Variants in NBPF11 observed in about 807,000 individuals in gnomAD.
The protein encoded by NBPF11 is NBPF family member NBPF11.
In NBPF11, 72 loss-of-function variants were observed where a neutral mutation model predicts 93.9. The observed-to-expected ratio is 0.77, with a 90% CI of 0.63 to 0.93. NBPF11 has a LOEUF of 0.93. Among genes scored for constraint, NBPF11 ranks in the 40% least tolerant of loss-of-function variants. The pLI is 0.00. For missense variants in NBPF11, 705 were observed against 802.2 expected (o/e 0.88, Z 1.46); for synonymous variants, 224 against 304.9 (o/e 0.73, Z 2.76).
intron 16 of NBPF11, among the ~76,000 whole-genome samples, chr1:148,110,089 G>C (rs1458552522): frequency 6.6e-6 from 1 of 150,436 alleles, no homozygotes; most frequent in East Asian, 2.0e-4. Flanking sequence ...GGCATGTGCT[G>C]CACAGTTTGG....
At chr1:148,108,942 G>A (rs1170695661) in intron 17 of NBPF11, among the ~76,000 whole-genome samples, 2 of 150,126 alleles carry the variant, frequency 1.3e-5, no homozygotes, top group African/African-American at 2.5e-5. Context: ...GGAGTCAAAG[G>A]ACACTCTGTA....
intron 9 of NBPF11, 145 bp downstream of exon 9, chr1:148,121,910 G>A: frequency 1.3e-6 from 1 of 747,314 alleles, no homozygotes; most frequent in Non-Finnish European, 2.4e-6. Context: ...CCAAAGTGCT[G>A]TGATTATATG....
intron 1 of NBPF11, among the ~76,000 whole-genome samples, chr1:148,148,718 G>A (rs1647389444): frequency 6.6e-6 from 1 of 151,332 alleles, no homozygotes; most frequent in African/African-American, 2.4e-5. Context: ...GGGCTGCAGG[G>A]AGGAAGAGTG....
chr1:148,122,913 A>G, intron 7 of NBPF11, 112 bp from the exon 8 acceptor site: 1 of 1,588,368 alleles, frequency 6.3e-7, no homozygotes, highest in South Asian at 1.1e-5. Context: ...CATTGTACTG[A>G]AAACTCTCAT....
At chr1:148,145,962 G>A (rs2149304503) in intron 1 of NBPF11, among the ~76,000 whole-genome samples, 1 of 152,162 alleles carries the variant, frequency 6.6e-6, no homozygotes, top group African/African-American at 2.4e-5. Context: ...ATTGAAAAAA[G>A]AGAAATGCAA....
intron 6 of NBPF11, among the ~76,000 whole-genome samples, 194 bp from the exon 7 acceptor site, chr1:148,124,261 G>T (rs1282643059): frequency 1.6e-4 from 24 of 151,918 alleles, no homozygotes; most frequent in African/African-American, 5.8e-4. Context: ...ATCAGAGAGG[G>T]CTCCTGCAAG....
At chr1:148,143,118 G>C (rs1672462710) in intron 2 of NBPF11, among the ~76,000 whole-genome samples, 1 of 151,476 alleles carries the variant, frequency 6.6e-6, no homozygotes, top group South Asian at 2.1e-4. Flanking sequence ...AATGGGGGGT[G>C]AGAGGGGAAG....
At chr1:148,121,182 T>C (rs1392956364) in intron 9 of NBPF11, among the ~76,000 whole-genome samples, 1 of 151,508 alleles carries the variant, frequency 6.6e-6, no homozygotes, top group African/African-American at 2.4e-5. Context: ...GCATCTGGGA[T>C]TACAAGCGCC....
rs1279128769 is a variant in NBPF11, at chr1:148,127,857, T to C, written c.-35-819A>G. Among the ~76,000 whole-genome samples, 399 of 151,696 alleles carry C rather than the reference T, an allele frequency of 2.6e-3. 1 individual carries two copies. Among genetic ancestry groups the C allele is most frequent in the African/African-American group, 9.2e-3 (379 of 41,270 alleles). On this transcript the variant is annotated intron_variant, in intron 4 of 23. Transcript: ENST00000682118. Reference sequence around the variant, plus strand: ...ATTTTTAGTAGAGACGGGGTTTCACTGTGTTAGCCAGGATGGTCTCGATCT... The same window carrying C: ...ATTTTTAGTAGAGACGGGGTTTCACCGTGTTAGCCAGGATGGTCTCGATCT...
rs1173502091 is a variant in NBPF11, at chr1:148,146,250, G to A, written c.-548-2564C>T. Reference sequence around the variant, plus strand: ...TGGGGCTGGGCCCTGGCCTCCTAACGGGGCTGCTGTCTGGGGCGGTAGCTG... The same window carrying A: ...TGGGGCTGGGCCCTGGCCTCCTAACAGGGCTGCTGTCTGGGGCGGTAGCTG... On this transcript the variant is annotated intron_variant, in intron 1 of 23. Transcript: ENST00000682118. 9,191 of 1,120,736 alleles carry A rather than the reference G, an allele frequency of 8.2e-3. 49 individuals carry two copies. Among genetic ancestry groups the A allele is most frequent in the Non-Finnish European group, 9.6e-3 (8,280 of 860,846 alleles). The allele number at this position is 1,120,736 out of a possible 1,614,324, so 69.4% of individuals were successfully genotyped here.
chr1:148,140,166 C>A (rs1671946858), intron 2 of NBPF11, among the ~76,000 whole-genome samples: 1 of 151,988 alleles, frequency 6.6e-6, no homozygotes, highest in Non-Finnish European at 1.5e-5. Flanking sequence ...GGTTTAGAGA[C>A]AATTTAAAAC....
intron 12 of NBPF11, among the ~76,000 whole-genome samples, chr1:148,117,295 C>A (rs1307429639): frequency 6.7e-6 from 1 of 149,218 alleles, no homozygotes; most frequent in Non-Finnish European, 1.5e-5. Flanking sequence ...CTGCTCCCAT[C>A]GCAGCCTCCT....
chr1:148,145,099 T>C (rs1672780186), intron 1 of NBPF11, among the ~76,000 whole-genome samples: 1 of 146,532 alleles, frequency 6.8e-6, no homozygotes, highest in Non-Finnish European at 1.5e-5. Flanking sequence ...TAAGACCCTG[T>C]CTGAAAAAAA....
chr1:148,149,920 A>T (rs1172269301), intron 1 of NBPF11, among the ~76,000 whole-genome samples: 2 of 151,962 alleles, frequency 1.3e-5, no homozygotes, highest in Non-Finnish European at 2.9e-5. Flanking sequence ...CTCTACGAGA[A>T]TAACAAAATA....
chr1:148,108,503 C>G lies in NBPF11; in HGVS notation c.2005G>C (p.Gly669Arg). ...AFYVLEQQRI[G>R]LAVDMDEIEK... ...TCACCATCCATGTCAACAGCCAAGCCAATACGCTGTTGCTCCAATACGTAA... is the reference window on the plus strand; with the variant it reads ...TCACCATCCATGTCAACAGCCAAGCGAATACGCTGTTGCTCCAATACGTAA... The change falls in exon 18 of 24, where the codon GGC becomes CGC. Residue 669 changes from glycine to arginine, a missense_variant. Gly to Arg is a moderately radical substitution (Grantham distance 125). Transcript: ENST00000682118. 1.3e-6 allele frequency: 2 copies of G among 1,592,456 alleles called. No individual in the cohort carries two copies. The highest frequency in any genetic ancestry group is 8.6e-7 in the Non-Finnish European group (1 of 1,163,744).
At chr1:148,111,192 A>C (rs1345868241) in intron 15 of NBPF11, among the ~76,000 whole-genome samples, 1 of 151,990 alleles carries the variant, frequency 6.6e-6, no homozygotes, top group Non-Finnish European at 1.5e-5. Flanking sequence ...AACACACAGA[A>C]AGGGATAGCA....
chr1:148,135,002 T>G (rs1291179573), intron 4 of NBPF11: 2 of 150,590 alleles, frequency 1.3e-5, no homozygotes, highest in Non-Finnish European at 2.9e-5. Flanking sequence ...TTCTCCTTCA[T>G]CATAAAAGAA....
At chr1:148,121,230 G>A (rs1348117774) in intron 9 of NBPF11, among the ~76,000 whole-genome samples, 1 of 151,700 alleles carries the variant, frequency 6.6e-6, no homozygotes, top group African/African-American at 2.4e-5. Flanking sequence ...TTTTAGTAGA[G>A]ATGGGGTTTC....
chr1:148,144,374 A>ATTTT (rs1672658417), intron 1 of NBPF11, among the ~76,000 whole-genome samples: 2 of 150,752 alleles, frequency 1.3e-5, no homozygotes, highest in African/African-American at 2.5e-5. Flanking sequence ...TATACAAGCT[A>ATTTT]TTTTATTTGT....
Sources: gnomAD v4.1 joint callset for allele counts (sites outside exome capture counted in the v4.1 genomes callset) on GRCh38, gnomAD v4.1.1 for gene constraint, MANE v1.5 for transcripts, NCBI Gene and HGNC (gene_info 2026-07-23, HGNC 2026-07-21) for gene names.